MFSD11: variants seen among roughly 807,000 people sequenced by gnomAD.
MFSD11 encodes the protein UNC93-like protein MFSD11.
MFSD11 carries 36 observed loss-of-function variants against 53.5 expected under a neutral mutation model. The ratio of observed to expected loss-of-function variants is 0.67; its 90% CI spans 0.52 to 0.89. The LOEUF (loss-of-function observed/expected upper bound fraction) is 0.89. MFSD11 is among the 40% of genes least tolerant of loss of function. The pLI is 0.00. For missense variants in MFSD11, 530 were observed against 543.9 expected, an observed-to-expected ratio of 0.97 and a Z score of 0.25; for synonymous variants, 186 against 184.9, an observed-to-expected ratio of 1.01 and a Z score of -0.05.
At chr17:76,760,463 T>C (rs941989762) in intron 8 of MFSD11, among the ~76,000 whole-genome samples, 1 of 151,716 alleles carries the variant, frequency 6.6e-6, no homozygotes, top group African/African-American at 2.4e-5. Context: ...CCCCTGAAGT[T>C]CAAACCCATG....
intron 8 of MFSD11, among the ~76,000 whole-genome samples, chr17:76,755,810 ATATTTTTTTTT>A (rs1409089726): frequency 4.4e-5 from 1 of 22,744 alleles, no homozygotes; most frequent in African/African-American, 1.5e-4. Context: ...ATATATATAT[ATATTTTTTTTT>A]TTTTTTTTTT....
chr17:76,765,544 C>T (rs562892990), intron 8 of MFSD11, among the ~76,000 whole-genome samples: 2 of 148,824 alleles, frequency 1.3e-5, no homozygotes, highest in African/African-American at 5.0e-5. Context: ...CTCACTGCAG[C>T]CTCAACCTCC....
At chr17:76,784,278 GT>G (rs1210517203), downstream of MFSD11, among the ~76,000 whole-genome samples, 2 of 152,196 alleles carry the variant, frequency 1.3e-5, no homozygotes, top group Admixed American at 1.3e-4. Context: ...GCTCAAGCCT[GT>G]AATCCCAGCA....
At position 76,779,009 on chromosome 17, in the gene MFSD11, T is replaced by C. The variant is rs1011328553; in HGVS notation, c.*657T>C. 1 of 152,082 alleles carries C rather than the reference T, an allele frequency of 6.6e-6. No homozygotes were observed. Among genetic ancestry groups the C allele is most frequent in the Admixed American group, 6.6e-5 (1 of 15,234 alleles). 9.4% of individuals were successfully genotyped at this position (152,082 alleles called of 1,614,324 possible). On this transcript the variant is annotated 3_prime_UTR_variant, in exon 13 of 13. Transcript: ENST00000685175. ...GGCTCATGCCTGTAATCCCAACACT[T>C]TGGGAGGCTGAGGTGGGTGGATCAC... is the stretch of plus-strand genomic sequence containing the variant.
intron 10 of MFSD11, 72 bp from the exon 11 acceptor site, chr17:76,774,925 T>C (rs1166084093): frequency 2.0e-6 from 3 of 1,469,382 alleles, no homozygotes; most frequent in Non-Finnish European, 9.2e-7. Flanking sequence ...CTTGGCTCCT[T>C]GGTGGTAACT....
downstream of MFSD11, among the ~76,000 whole-genome samples, chr17:76,781,889 A>T (rs535364457): frequency 2.3e-4 from 35 of 151,786 alleles, no homozygotes; most frequent in Non-Finnish European, 5.0e-4. Flanking sequence ...TGGCACAGTC[A>T]TGGCTCACTG....
intron 12 of MFSD11, among the ~76,000 whole-genome samples, chr17:76,777,376 G>A (rs927618922): frequency 1.3e-5 from 2 of 152,058 alleles, no homozygotes; most frequent in African/African-American, 4.8e-5. Context: ...TGGGATTACA[G>A]GAGTGCACTA....
the MFSD11 span, among the ~76,000 whole-genome samples, chr17:76,798,689 A>G: frequency 3.3e-5 from 5 of 152,122 alleles, no homozygotes; most frequent in Non-Finnish European, 7.3e-5. Context: ...ACTCTCGGGA[A>G]GTGGTTAGCA....
At chr17:76,738,800 T>G (rs2077758523) in intron 1 of MFSD11, 138 bp from the exon 2 acceptor site, 1 of 685,088 alleles carries the variant, frequency 1.5e-6, no homozygotes, top group Non-Finnish European at 2.5e-6. Flanking sequence ...CCTTTTTCTT[T>G]TCTCATAATG....
At chr17:76,780,673 G>A (rs901951125), downstream of MFSD11, among the ~76,000 whole-genome samples, 2 of 151,790 alleles carry the variant, frequency 1.3e-5, no homozygotes, top group African/African-American at 2.4e-5. Flanking sequence ...GCACCACCCC[G>A]CCTGGCTAAT....
Position 76,754,031 on chromosome 17 carries a change from CA to C in MFSD11, c.642-15del, listed in dbSNP as rs2079330369. On this transcript the variant is annotated splice_polypyrimidine_tract_variant and intron_variant, in intron 7 of 12. Transcript: ENST00000685175. ...TCAAAAAGAAAAAACTTATTTTTTA[CA>C]TTTTATTTTCTCAGGTCTGCCCAGA... is the stretch of plus-strand genomic sequence containing the variant. 5.0e-6 allele frequency: 8 copies of C among 1,595,462 alleles called. No individual in the cohort carries two copies. Among genetic ancestry groups the C allele is most frequent in the Non-Finnish European group, 6.0e-6 (7 of 1,171,648 alleles).
In MFSD11 at chr17:76,778,544, A is replaced by C. The variant is rs2082042364; in HGVS notation, c.*192A>C. 5.7e-6 allele frequency: 3 copies of C among 528,154 alleles called. No individual in the cohort carries two copies. In the South Asian group the frequency reaches 9.9e-5, roughly 17 times the overall value. The allele number at this position is 528,154 out of a possible 1,614,324, so 32.7% of individuals were successfully genotyped here. On this transcript the variant is annotated 3_prime_UTR_variant, in exon 13 of 13. Coordinates refer to ENST00000685175, the MANE Select transcript of MFSD11 (RefSeq NM_001242532.5). ...ATATGAGTTATTTAAAGCAAGTAGA[A>C]TAAGGGAAAGCTGTTCTGTCAACTG... is the stretch of plus-strand genomic sequence containing the variant.
rs758639677 is a variant in MFSD11, at chr17:76,767,430, A to G, written c.727A>G (p.Ser243Gly). Residue 243 changes from serine to glycine, a missense_variant, in exon 9 of 13, where the codon AGT (serine) becomes GGT (glycine). Coordinates refer to ENST00000685175, the MANE Select transcript of MFSD11 (RefSeq NM_001242532.5). ...TGTCACCAAGGAGATGCTCCTTCTT[A>G]GTATTACAACTGCTTATACAGGTAA... Reference protein sequence around the residue: ...LCVTKEMLLLSITTAYTGLEL... With the variant: ...LCVTKEMLLLGITTAYTGLEL... The G allele has an allele frequency of 1.9e-6, 3 of 1,601,984 alleles. No homozygotes were observed. In the South Asian group the frequency reaches 3.3e-5, roughly 18 times the overall value.
intron 7 of MFSD11, among the ~76,000 whole-genome samples, chr17:76,748,627 A>C (rs1283613703): frequency 6.6e-6 from 1 of 151,916 alleles, no homozygotes; most frequent in Non-Finnish European, 1.5e-5. Context: ...TCAAGGTTGC[A>C]GTGAGCTGTG....
intron 8 of MFSD11, among the ~76,000 whole-genome samples, chr17:76,758,050 T>C (rs2079827149): frequency 6.6e-6 from 1 of 151,702 alleles, no homozygotes; most frequent in South Asian, 2.1e-4. Flanking sequence ...GGCAAGAGAC[T>C]TATCCTAGTA....
intron 7 of MFSD11, chr17:76,753,111 C>T (rs2079205255): frequency 6.6e-6 from 1 of 152,050 alleles, no homozygotes. Context: ...GCAGTCGTCA[C>T]CTGTCAGTGC....
chr17:76,787,504 GT>G, the MFSD11 span, among the ~76,000 whole-genome samples: 1 of 150,086 alleles, frequency 6.7e-6, no homozygotes, highest in African/African-American at 2.4e-5. Context: ...GATTCATTAT[GT>G]AATTGAAAGA....
At chr17:76,770,587 A>G (rs2081301699) in intron 10 of MFSD11, among the ~76,000 whole-genome samples, 1 of 152,160 alleles carries the variant, frequency 6.6e-6, no homozygotes, top group African/African-American at 2.4e-5. Flanking sequence ...GTTCAGTCCT[A>G]CAGACAGACA....
the MFSD11 span, among the ~76,000 whole-genome samples, chr17:76,797,329 A>G: frequency 6.6e-6 from 1 of 152,118 alleles, no homozygotes; most frequent in East Asian, 1.9e-4. Flanking sequence ...CTGGAAAAGG[A>G]GCGAGCAAGC....
Sources: allele counts gnomAD v4.1 joint callset (sites outside exome capture counted in the v4.1 genomes callset), GRCh38; gene constraint gnomAD v4.1.1; transcripts MANE v1.5; gene names NCBI Gene and HGNC (gene_info 2026-07-23, HGNC 2026-07-21).